The following ATP1A2 variants were observed in gnomAD, a reference collection of about 807,000 sequenced individuals.
ATP1A2 encodes the protein ATPase Na+/K+ transporting subunit alpha 2, also known as sodium/potassium-transporting ATPase subunit alpha-2.
A neutral mutation model predicts 113.1 loss-of-function variants in ATP1A2; 56 were observed. That is an observed-to-expected ratio of 0.49 (90% confidence interval 0.40 to 0.62). ATP1A2 has a LOEUF of 0.62. ATP1A2 is among the 20% of genes least tolerant of loss of function. The pLI is 0.00. For missense variants in ATP1A2, 712 were observed against 1,357.8 expected, an observed-to-expected ratio of 0.52 and a Z score of 7.47; for synonymous variants, 490 against 526.8, an observed-to-expected ratio of 0.93 and a Z score of 0.96.
chr1:160,118,572 T>C (rs916679653), intron 1 of ATP1A2, among the ~76,000 whole-genome samples: 4 of 152,064 alleles, frequency 2.6e-5, no homozygotes, highest in Non-Finnish European at 5.9e-5. Context: ...CTGCTCGGTC[T>C]CCCCAAGAAG....
intron 13 of ATP1A2, among the ~76,000 whole-genome samples, chr1:160,131,285 T>C (rs1651762952): frequency 6.6e-6 from 1 of 152,202 alleles, no homozygotes; most frequent in Admixed American, 6.5e-5. Context: ...TATGATTTCA[T>C]TTAATCTACG....
At chr1:160,141,197 C>A in intron 22 of ATP1A2, 97 bp from the exon 23 acceptor site, 2 of 1,482,212 alleles carry the variant, frequency 1.3e-6, no homozygotes, top group South Asian at 1.2e-5. Context: ...CAGGCTTCTC[C>A]TTCCACCTGG....
intron 11 of ATP1A2, 58 bp downstream of exon 11, chr1:160,129,458 A>G: frequency 1.9e-6 from 3 of 1,600,112 alleles, no homozygotes; most frequent in East Asian, 2.2e-5. Flanking sequence ...GTGAGGGTGG[A>G]CAAAGCCAAG....
intron 3 of ATP1A2, 83 bp downstream of exon 3, chr1:160,121,334 A>T: frequency 6.7e-7 from 1 of 1,500,410 alleles, no homozygotes; most frequent in Non-Finnish European, 9.3e-7. Context: ...TTAAAACTGT[A>T]ATCCAGCCTT....
At position 160,143,481 on chromosome 1, in the gene ATP1A2, T is replaced by G. The variant is rs1443273370; in HGVS notation, c.*2159T>G. 6.6e-6 allele frequency: 1 copy of G among 152,660 alleles called. No individual in the cohort carries two copies. Among genetic ancestry groups the G allele is most frequent in the African/African-American group, 2.4e-5 (1 of 41,446 alleles). 9.5% of individuals were successfully genotyped at this position (152,660 alleles called of 1,614,324 possible). A position where few individuals can be genotyped will look rare whatever the true frequency, so the allele number is the denominator to read the frequency against. On this transcript the variant is annotated 3_prime_UTR_variant, in exon 23 of 23. Transcript: ENST00000361216. ...ATTATCATCAATCTTTATGTATTTG[T>G]TAAAGAAACATCTACAGGATCTTTA...
chr1:160,141,148 C>T (rs1379818473), intron 22 of ATP1A2, 146 bp from the exon 23 acceptor site: 6 of 956,484 alleles, frequency 6.3e-6, no homozygotes, highest in African/African-American at 1.6e-5. Context: ...ACCCAGCCTC[C>T]TTCCACCTTC....
rs1184210055 is a variant in ATP1A2 at position 160,135,188 on chromosome 1, A to G, written c.2008A>G (p.Met670Val). The change falls in exon 15 of 23, where the codon ATG becomes GTG. Residue 670 changes from methionine to valine, a missense_variant. By Grantham distance (21) the Met-to-Val change is conservative (BLOSUM62 1). Transcript: ENST00000361216. This position sits in a 1 kb window ranked among gnomAD's most constrained non-coding sequence, Gnocchi z 6.3. ...CVVHGSDLKD[M>V]TSEQLDEILK... is the part of the protein sequence containing the mutation. Reference sequence around the variant, plus strand: ...GGTGCACGGCTCTGACCTGAAGGACATGACATCGGAGCAGCTCGATGAGAT... The same window carrying G: ...GGTGCACGGCTCTGACCTGAAGGACGTGACATCGGAGCAGCTCGATGAGAT... The G allele has an allele frequency of 6.2e-7, 1 of 1,614,230 alleles. No homozygotes were observed. Among genetic ancestry groups the G allele is most frequent in the Non-Finnish European group, 8.5e-7 (1 of 1,180,036 alleles).
Position 160,139,714 on chromosome 1 carries a change from G to A in ATP1A2, c.2915G>A (p.Gly972Asp). ...AAFLSYCPGM[G>D]VALRMYPLKV... ...TTTCTCTCTTACTGCCCAGGCATGG[G>A]TGTAGCCCTCCGCATGTACCCGCTC... is the stretch of plus-strand genomic sequence containing the variant. Residue 972 changes from glycine (G) to aspartate (D), a missense_variant, in exon 21 of 23, where the codon GGT becomes GAT. This residue lies in a region of ATP1A2 where 188 missense variants were observed against 438.9 expected (regional missense o/e 0.43). Coordinates refer to ENST00000361216, the MANE Select transcript of ATP1A2 (RefSeq NM_000702.4). The A allele has an allele frequency of 6.2e-7, 1 of 1,614,216 alleles. No homozygotes were observed.
chr1:160,130,696 G>A (rs917150137), intron 13 of ATP1A2, 99 bp downstream of exon 13: 6 of 1,529,104 alleles, frequency 3.9e-6, no homozygotes, highest in Admixed American at 3.6e-5. Context: ...GGCCACGGTG[G>A]CCTCCTTCCC....
chr1:160,142,248 G>A lies in ATP1A2; in HGVS notation c.*926G>A, dbSNP rs1571000140. On this transcript the variant is annotated 3_prime_UTR_variant, in exon 23 of 23. Transcript: ENST00000361216. ...CCTTCTGTAATACTAAGTCCTCAGA[G>A]CTCCATGCTGTTCTGAAAGGGATGG... 1 of 152,148 alleles carries A rather than the reference G, an allele frequency of 6.6e-6. No homozygotes were observed. Among genetic ancestry groups the A allele is most frequent in the Non-Finnish European group, 1.5e-5 (1 of 68,046 alleles). 9.4% of individuals were successfully genotyped at this position (152,148 alleles called of 1,614,324 possible). A position where few individuals can be genotyped will look rare whatever the true frequency, so the allele number is the denominator to read the frequency against.
chr1:160,125,697 G>A (rs1651566143), intron 7 of ATP1A2, among the ~76,000 whole-genome samples: 1 of 152,188 alleles, frequency 6.6e-6, no homozygotes, highest in South Asian at 2.1e-4. Context: ...GTCTGGGAGG[G>A]CCAAGAAGGC....
chr1:160,129,256 C>G lies in ATP1A2; in HGVS notation c.1327-10C>G. On this transcript the variant is annotated splice_polypyrimidine_tract_variant and intron_variant, in intron 10 of 22. Transcript: ENST00000361216. ...CCATGCTGACACTGAATTCTTGTCT[C>G]TTCTGGCAGCGGGACACAGCTGGTG... is the stretch of plus-strand genomic sequence containing the variant. 6.2e-7 allele frequency: 1 copy of G among 1,614,204 alleles called. No homozygotes were observed.
Position 160,123,435 on chromosome 1 carries a change from C to T in ATP1A2, c.381+19C>T, listed in dbSNP as rs764424227. The T allele has an allele frequency of 1.9e-6, 3 of 1,613,910 alleles. No individual in the cohort carries two copies. In the African/African-American group the frequency reaches 4.0e-5, roughly 22 times the overall value. ...CGACAATGTGAGCCCACACGCCCGA[C>T]CCGGGAACAGCCCGTGACTGTCCTC... On this transcript the variant is annotated intron_variant, in intron 4 of 22. Coordinates refer to ENST00000361216, the MANE Select transcript of ATP1A2 (RefSeq NM_000702.4).
chr1:160,136,079 C>G, intron 17 of ATP1A2, 86 bp downstream of exon 17: 1 of 1,609,564 alleles, frequency 6.2e-7, no homozygotes, highest in Non-Finnish European at 8.5e-7. Flanking sequence ...GGGCAGTGGC[C>G]CCAGCTGTGG....
At chr1:160,136,484 G>C (rs1651955566) in intron 18 of ATP1A2, 86 bp from the exon 19 acceptor site, 1 of 1,612,906 alleles carries the variant, frequency 6.2e-7, no homozygotes, top group Non-Finnish European at 8.5e-7. Context: ...CCAAGGGTCA[G>C]GGACCTCCAT....
Position 160,123,934 on chromosome 1 carries a change from C to T in ATP1A2, c.382-9C>T, listed in dbSNP as rs1158846170. On this transcript the variant is annotated splice_polypyrimidine_tract_variant and intron_variant, in intron 4 of 22. Coordinates refer to ENST00000361216, the MANE Select transcript of ATP1A2 (RefSeq NM_000702.4). ...AGGTCAGGTCCCTGAAACTCTTTCT[C>T]CTTACCAGCTATATCTGGGTGTGGT... 1 of 1,613,968 alleles carries T rather than the reference C, an allele frequency of 6.2e-7. No individual in the cohort carries two copies. The highest frequency in any genetic ancestry group is 1.3e-5 in the African/African-American group (1 of 75,034).
rs554867982 is a variant in ATP1A2 at position 160,131,664 on chromosome 1, G to A, written c.1827+1067G>A. 2.3e-4 allele frequency among the ~76,000 whole-genome samples: 34 copies of A among 150,006 alleles called. No homozygotes were observed. In the South Asian group the frequency reaches 7.2e-3, roughly 32 times the overall value. Reference sequence around the variant, plus strand: ...AACATGGTGAAACCCCGTCTCTACTGAAAAAAAAATACAAAAATTAGCCAC... The same window carrying A: ...AACATGGTGAAACCCCGTCTCTACTAAAAAAAAAATACAAAAATTAGCCAC... On this transcript the variant is annotated intron_variant, in intron 13 of 22. Coordinates refer to ENST00000361216, the MANE Select transcript of ATP1A2 (RefSeq NM_000702.4).
At chr1:160,136,743 A>C (rs1364217250) in intron 19 of ATP1A2, 28 bp downstream of exon 19, 2 of 1,614,048 alleles carry the variant, frequency 1.2e-6, no homozygotes, top group African/African-American at 2.7e-5. Flanking sequence ...AACACAGCGC[A>C]CATGTGTGAA....
Position 160,125,192 on chromosome 1 carries a change from C to T in ATP1A2, c.687C>T (p.Phe229=), listed in dbSNP as rs1254575255. 6.2e-7 allele frequency: 1 copy of T among 1,614,186 alleles called. No homozygotes were observed. The highest frequency in any genetic ancestry group is 1.7e-5 in the Admixed American group (1 of 60,020). ...ESEPQTRSPE[F]THENPLETRN... ...AGCCCCAGACCCGCTCCCCCGAGTTCACCCATGAGAACCCCCTGGAGACCC... is the reference window on the plus strand; with the variant it reads ...AGCCCCAGACCCGCTCCCCCGAGTTTACCCATGAGAACCCCCTGGAGACCC... Residue 229 remains phenylalanine (F), a synonymous_variant, in exon 7 of 23, where the codon TTC becomes TTT. Coordinates refer to ENST00000361216, the MANE Select transcript of ATP1A2 (RefSeq NM_000702.4).
Sources: gnomAD v4.1 joint callset for allele counts (sites outside exome capture counted in the v4.1 genomes callset) on GRCh38, gnomAD v4.1.1 for gene constraint, gnomAD v4.1.1 regional missense constraint, Gnocchi (gnomAD v3.1) non-coding constraint, MANE v1.5 for transcripts, NCBI Gene and HGNC (gene_info 2026-07-23, HGNC 2026-07-21) for gene names.